Variants in HMGN1 observed in about 807,000 individuals in gnomAD.
The protein encoded by HMGN1 is non-histone chromosomal protein HMG-14.
A neutral mutation model predicts 18.4 loss-of-function variants in HMGN1; 9 were observed. The observed-to-expected ratio is 0.49, with a 90% CI of 0.29 to 0.85. The LOEUF (loss-of-function observed/expected upper bound fraction) is 0.85. Ranked by LOEUF, HMGN1 falls within the 40% of genes least tolerant of loss-of-function variation. The probability of loss-of-function intolerance (pLI) is 0.07; values close to 1 mark genes in which losing one functional copy is unlikely to be tolerated. For missense variants in HMGN1, 151 were observed against 119.2 expected (o/e 1.27, Z -1.24); for synonymous variants, 59 against 45.0 (o/e 1.31, Z -1.24).
At position 39,348,956 on chromosome 21, in the gene HMGN1, G is replaced by A. The variant is rs1468789833; in HGVS notation, c.-39C>T. 4.2e-6 allele frequency: 5 copies of A among 1,199,210 alleles called. No homozygotes were observed. In the East Asian group the frequency reaches 1.7e-4, roughly 41 times the overall value. 74.3% of individuals were successfully genotyped at this position (1,199,210 alleles called of 1,614,324 possible). On this transcript the variant is annotated 5_prime_UTR_variant, in exon 1 of 6. Transcript: ENST00000380749. ...AAGGCGCGTGCCGGGTGCCTGCGGG[G>A]AAGGCGCGTGCCGGGTGCCTGCGGG...
At chr21:39,345,331 GT>G in intron 4 of HMGN1, 57 bp from the exon 5 acceptor site, 1 of 1,554,334 alleles carries the variant, frequency 6.4e-7, no homozygotes, top group Non-Finnish European at 8.8e-7. Context: ...TTTACATTTT[GT>G]TTTACTTTTT....
intron 4 of HMGN1, chr21:39,348,034 T>C: frequency 9.0e-7 from 1 of 1,113,058 alleles, no homozygotes; most frequent in Non-Finnish European, 1.2e-6. Flanking sequence ...AAGAATAAAT[T>C]TCCTTTGTAG....
chr21:39,348,680 C>T, intron 1 of HMGN1, 103 bp from the exon 2 acceptor site: 1 of 1,372,770 alleles, frequency 7.3e-7, no homozygotes, highest in Non-Finnish European at 9.7e-7. Context: ...GTCACGGCTT[C>T]CCGCCGCCCC....
intron 5 of HMGN1, chr21:39,344,405 G>T (rs973359313): frequency 6.6e-6 from 1 of 152,006 alleles, no homozygotes; most frequent in Non-Finnish European, 1.5e-5. Context: ...ATACTTAAGT[G>T]ATATCAAAAT....
At position 39,342,876 on chromosome 21, in the gene HMGN1, C is replaced by A; in HGVS notation, c.*236G>T. The A allele has an allele frequency of 7.1e-7, 1 of 1,413,222 alleles. No homozygotes were observed. Among genetic ancestry groups the A allele is most frequent in the East Asian group, 2.8e-5 (1 of 36,146 alleles). 87.5% of individuals were successfully genotyped at this position (1,413,222 alleles called of 1,614,324 possible). A position where few individuals can be genotyped will look rare whatever the true frequency, so the allele number is the denominator to read the frequency against. On this transcript the variant is annotated 3_prime_UTR_variant, in exon 6 of 6. Coordinates refer to ENST00000380749, the MANE Select transcript of HMGN1 (RefSeq NM_004965.7). ...GAGACAGTCAGAGCCTCCCATAATT[C>A]AATATCCCACACTATTTTCTGGTTG...
chr21:39,348,794 TC>T (rs2146861841), intron 1 of HMGN1, 108 bp downstream of exon 1: 1 of 1,065,890 alleles, frequency 9.4e-7, no homozygotes, highest in African/African-American at 1.7e-5. Flanking sequence ...TCCAAGCGCC[TC>T]CCGGGCCCGT....
intron 4 of HMGN1, chr21:39,345,850 G>A (rs780418639): frequency 1.1e-5 from 14 of 1,302,276 alleles, no homozygotes; most frequent in East Asian, 5.5e-5. Context: ...GCACCATGCC[G>A]TACGGTCAGG....
At chr21:39,343,334 C>G (rs2036929763) in intron 5 of HMGN1, among the ~76,000 whole-genome samples, 175 bp from the exon 6 acceptor site, 1 of 152,168 alleles carries the variant, frequency 6.6e-6, no homozygotes, top group Non-Finnish European at 1.5e-5. Context: ...ATACTTGCAG[C>G]CCTTCCATGG....
In HMGN1 at chr21:39,343,097, C is replaced by G; in HGVS notation, c.*15G>C. The G allele has an allele frequency of 4.8e-6, 7 of 1,451,882 alleles. No individual in the cohort carries two copies. Among genetic ancestry groups the G allele is most frequent in the Non-Finnish European group, 6.7e-6 (7 of 1,037,946 alleles). The allele number at this position is 1,451,882 out of a possible 1,614,324, so 89.9% of individuals were successfully genotyped here. A position where few individuals can be genotyped will look rare whatever the true frequency, so the allele number is the denominator to read the frequency against. On this transcript the variant is annotated 3_prime_UTR_variant, in exon 6 of 6. Transcript: ENST00000380749. Reference sequence around the variant, plus strand: ...AGGGAGACAGGGACCACTGATAAGACATGGTATATGGTTATTAATCAGACT... The same window carrying G: ...AGGGAGACAGGGACCACTGATAAGAGATGGTATATGGTTATTAATCAGACT...
chr21:39,347,910 A>C, intron 4 of HMGN1: 1 of 1,048,172 alleles, frequency 9.5e-7, no homozygotes, highest in Non-Finnish European at 1.2e-6. Context: ...ATATATAAAA[A>C]CTTACACGTT....
At chr21:39,343,969 T>A (rs527292183) in intron 5 of HMGN1, among the ~76,000 whole-genome samples, 131 of 152,294 alleles carry the variant, frequency 8.6e-4, no homozygotes, top group Non-Finnish European at 1.5e-3. Context: ...AATTAAGTAG[T>A]ACAGGCCAGG....
At chr21:39,345,379 C>T in intron 4 of HMGN1, 105 bp from the exon 5 acceptor site, 1 of 1,104,608 alleles carries the variant, frequency 9.1e-7, no homozygotes, top group Non-Finnish European at 1.3e-6. Context: ...CCCAGTGGTG[C>T]TGACTTCATA....
At chr21:39,348,026 G>T in intron 4 of HMGN1, 1 of 1,145,846 alleles carries the variant, frequency 8.7e-7, no homozygotes, top group Non-Finnish European at 1.2e-6. Flanking sequence ...GCAACGCAAA[G>T]AATAAATTTC....
chr21:39,345,768 T>G (rs529993768), intron 4 of HMGN1: 13 of 1,251,492 alleles, frequency 1.0e-5, no homozygotes, highest in African/African-American at 1.5e-5. Context: ...TCCCCAAATT[T>G]GTTGTGAACT....
Position 39,348,287 on chromosome 21 carries a change from C to CG in HMGN1, c.126+4_126+5insC. 6.2e-7 allele frequency: 1 copy of CG among 1,614,072 alleles called. No homozygotes were observed. On this transcript the variant is annotated splice_donor_region_variant and intron_variant, in intron 4 of 5. Coordinates refer to ENST00000380749, the MANE Select transcript of HMGN1 (RefSeq NM_004965.7). ...CTGCATCCCAATGCGCGTTTCGAGG[C>CG]TTACCTTCGCTGCTGCCTTTTTCGG...
Position 39,349,042 on chromosome 21 carries a change from C to A in HMGN1, c.-125G>T. 1 of 1,080,728 alleles carries A rather than the reference C, an allele frequency of 9.3e-7. No individual in the cohort carries two copies. Among genetic ancestry groups the A allele is most frequent in the Non-Finnish European group, 1.2e-6 (1 of 864,066 alleles). The allele number at this position is 1,080,728 out of a possible 1,614,324, so 66.9% of individuals were successfully genotyped here. On this transcript the variant is annotated 5_prime_UTR_variant, in exon 1 of 6. Coordinates refer to ENST00000380749, the MANE Select transcript of HMGN1 (RefSeq NM_004965.7). ...GCCTTGCCGCTGCCACTCCTCCCGC[C>A]GCCCGAGCTGCTGAGACCCACAGCG...
At chr21:39,348,374 C>T (rs2037136932) in intron 3 of HMGN1, 35 bp from the exon 4 acceptor site, 3 of 1,614,172 alleles carry the variant, frequency 1.9e-6, no homozygotes, top group Non-Finnish European at 2.5e-6. Context: ...CGTCCTCACC[C>T]GGGACGACCC....
In HMGN1 at chr21:39,348,587, C is replaced by G; in HGVS notation, c.16-10G>C. Reference sequence around the variant, plus strand: ...CTTCGGCGGAGCTGACCTGCGGAGACGGAGACGCACGAATAGAGGCGGGCC... The same window carrying G: ...CTTCGGCGGAGCTGACCTGCGGAGAGGGAGACGCACGAATAGAGGCGGGCC... On this transcript the variant is annotated splice_polypyrimidine_tract_variant and intron_variant, in intron 1 of 5. Transcript: ENST00000380749. 1 of 1,586,258 alleles carries G rather than the reference C, an allele frequency of 6.3e-7. No homozygotes were observed. The highest frequency in any genetic ancestry group is 8.6e-7 in the Non-Finnish European group (1 of 1,166,758).
chr21:39,348,522 C>A (rs1329477455), intron 2 of HMGN1, 23 bp downstream of exon 2: 3 of 1,613,578 alleles, frequency 1.9e-6, no homozygotes, highest in Non-Finnish European at 2.5e-6. Context: ...ACCCACCACC[C>A]CCCGCAGAAG....
Sources: allele counts gnomAD v4.1 joint callset (sites outside exome capture counted in the v4.1 genomes callset), GRCh38; gene constraint gnomAD v4.1.1; transcripts MANE v1.5; gene names NCBI Gene and HGNC (gene_info 2026-07-23, HGNC 2026-07-21).